MICU2: variants seen among roughly 807,000 people sequenced by gnomAD.
MICU2 encodes the protein mitochondrial calcium uptake 2, also known as calcium uptake protein 2, mitochondrial.
MICU2 carries 64 observed loss-of-function variants against 60.4 expected under a neutral mutation model. The observed-to-expected ratio is 1.06, with a 90% CI of 0.87 to 1.31. The LOEUF (loss-of-function observed/expected upper bound fraction) is 1.31. Among genes scored for constraint, MICU2 ranks in the 50% most tolerant of loss-of-function variants. MICU2 has a pLI of 0.00. For missense variants in MICU2, 569 were observed against 531.0 expected, an observed-to-expected ratio of 1.07 and a Z score of -0.70; for synonymous variants, 201 against 175.0, an observed-to-expected ratio of 1.15 and a Z score of -1.17.
chr13:21,502,790 A>C, intron 9 of MICU2, 136 bp downstream of exon 9: 5 of 761,646 alleles, frequency 6.6e-6, no homozygotes, highest in East Asian at 2.7e-5. Context: ...AAGAGCATGT[A>C]GAGAACATTC....
At chr13:21,602,470 C>A (rs900764130) in intron 1 of MICU2, among the ~76,000 whole-genome samples, 1 of 151,904 alleles carries the variant, frequency 6.6e-6, no homozygotes, top group African/African-American at 2.4e-5. Flanking sequence ...TGCAGTAAGC[C>A]GAGATAGCGC....
chr13:21,518,903 G>C (rs993185130), intron 6 of MICU2, among the ~76,000 whole-genome samples: 6 of 152,016 alleles, frequency 3.9e-5, no homozygotes, highest in Admixed American at 1.3e-4. Flanking sequence ...TACCAGTTTT[G>C]AAGTTCTATT....
intron 4 of MICU2, among the ~76,000 whole-genome samples, chr13:21,537,572 C>T (rs932166300): frequency 2.0e-5 from 3 of 151,438 alleles, no homozygotes; most frequent in Non-Finnish European, 4.4e-5. Flanking sequence ...CAGGTTCAAG[C>T]GATTCTACTG....
At chr13:21,556,980 A>G (rs752959792) in intron 2 of MICU2, among the ~76,000 whole-genome samples, 1 of 152,212 alleles carries the variant, frequency 6.6e-6, no homozygotes, top group Non-Finnish European at 1.5e-5. Context: ...GCTAAGTCCG[A>G]CAAGAACAAC....
intron 4 of MICU2, among the ~76,000 whole-genome samples, chr13:21,534,993 C>G (rs556783713): frequency 2.6e-5 from 4 of 152,272 alleles, no homozygotes; most frequent in African/African-American, 9.6e-5. Flanking sequence ...TACCAGGAGT[C>G]TGGACTGTGA....
intron 2 of MICU2, among the ~76,000 whole-genome samples, chr13:21,550,668 A>C (rs905870853): frequency 1.3e-5 from 2 of 152,234 alleles, no homozygotes; most frequent in Admixed American, 6.5e-5. Flanking sequence ...CCCATAGTTG[A>C]AGAATTCAAT....
Position 21,550,515 on chromosome 13 carries a change from A to C in MICU2, c.359-10827T>G, listed in dbSNP as rs139151351. Among the ~76,000 whole-genome samples the C allele has an allele frequency of 2.0e-4, 30 of 152,334 alleles. 1 individual carries two copies. The East Asian group carries it at 5.8e-3, about 29-fold the overall frequency. Reference sequence around the variant, plus strand: ...ATCGCACCACTGCACCCCAGCTTGGACCACAGAGTAAGACGCTATCTCTTA... The same window carrying C: ...ATCGCACCACTGCACCCCAGCTTGGCCCACAGAGTAAGACGCTATCTCTTA... On this transcript the variant is annotated intron_variant, in intron 2 of 11. Coordinates refer to ENST00000382374, the MANE Select transcript of MICU2 (RefSeq NM_152726.3).
chr13:21,513,143 T>G (rs74921264), intron 7 of MICU2, among the ~76,000 whole-genome samples: 1 of 152,184 alleles, frequency 6.6e-6, no homozygotes, highest in East Asian at 1.9e-4. Flanking sequence ...ATTTTTTTTT[T>G]GCAGATTTCC....
intron 1 of MICU2, 193 bp downstream of exon 1, chr13:21,603,746 G>T: frequency 1.6e-6 from 1 of 609,262 alleles, no homozygotes; most frequent in Admixed American, 3.4e-5. Flanking sequence ...CAGCCTCGAA[G>T]GCCCTCGGGG....
chr13:21,580,638 G>A (rs73445718), intron 1 of MICU2, among the ~76,000 whole-genome samples: 3,422 of 116,608 alleles, frequency 0.029, 134 homozygotes, highest in African/African-American at 0.086. Flanking sequence ...AATGAATTTT[G>A]TCACTTTTAG....
intron 2 of MICU2, among the ~76,000 whole-genome samples, chr13:21,544,034 T>C (rs1318734617): frequency 6.6e-6 from 1 of 152,104 alleles, no homozygotes; most frequent in African/African-American, 2.4e-5. Flanking sequence ...TGATTTTAGT[T>C]AGAAGTACCA....
At chr13:21,498,364 CTATTCTTTTTTT>C (rs748550803) in intron 9 of MICU2, among the ~76,000 whole-genome samples, 1 of 134,538 alleles carries the variant, frequency 7.4e-6, no homozygotes, top group African/African-American at 2.7e-5. Flanking sequence ...CAGAAATATC[CTATTCTTTTTTT>C]TTTTTTTTTT....
intron 2 of MICU2, among the ~76,000 whole-genome samples, chr13:21,564,861 C>T (rs117530751): frequency 6.6e-6 from 1 of 152,284 alleles, no homozygotes; most frequent in East Asian, 1.9e-4. Context: ...TGGGCTTCTC[C>T]GTGGCTGGCT....
At position 21,600,309 on chromosome 13, in the gene MICU2, C is replaced by T. The variant is rs2138080174; in HGVS notation, c.210+3630G>A. On this transcript the variant is annotated intron_variant, in intron 1 of 11. Coordinates refer to ENST00000382374, the MANE Select transcript of MICU2 (RefSeq NM_152726.3). ...CTTCCAGATCTCTGTAAAGCTATCT[C>T]CTTTGCCTAGAAAACTCTTCCCCTT... 3.3e-5 allele frequency among the ~76,000 whole-genome samples: 5 copies of T among 152,310 alleles called. No individual in the cohort carries two copies. In the South Asian group the frequency reaches 1.0e-3, roughly 32 times the overall value.
intron 4 of MICU2, among the ~76,000 whole-genome samples, chr13:21,531,848 A>T (rs912143603): frequency 6.6e-6 from 1 of 152,222 alleles, no homozygotes; most frequent in Middle Eastern, 3.2e-3. Flanking sequence ...AAACAAACGA[A>T]CAAAAAAAGA....
intron 6 of MICU2, among the ~76,000 whole-genome samples, chr13:21,515,215 G>A (rs1886540564): frequency 6.6e-6 from 1 of 151,794 alleles, no homozygotes; most frequent in African/African-American, 2.4e-5. Context: ...CCGAGTAGCT[G>A]GGACTACAGG....
rs146232239 is a variant in MICU2, at chr13:21,550,361, A to G, written c.359-10673T>C. ...AGACCAGCCTGGGCAACCAAGCAAAACCTCTCTCTCTACAAAAAATTAAAA... is the reference window on the plus strand; with the variant it reads ...AGACCAGCCTGGGCAACCAAGCAAAGCCTCTCTCTCTACAAAAAATTAAAA... On this transcript the variant is annotated intron_variant, in intron 2 of 11. Coordinates refer to ENST00000382374, the MANE Select transcript of MICU2 (RefSeq NM_152726.3). 2.3e-3 allele frequency among the ~76,000 whole-genome samples: 344 copies of G among 152,230 alleles called. 1 individual carries two copies. The highest frequency in any genetic ancestry group is 6.3e-3 in the Admixed American group (97 of 15,294).
intron 2 of MICU2, among the ~76,000 whole-genome samples, chr13:21,563,143 TTC>T (rs1348349797): frequency 4.6e-5 from 7 of 152,186 alleles, no homozygotes; most frequent in African/African-American, 1.2e-4. Context: ...CAAGATTTTT[TTC>T]TCTTTCTTCT....
chr13:21,566,077 C>T (rs114019757), intron 2 of MICU2, among the ~76,000 whole-genome samples: 2,018 of 152,260 alleles, frequency 0.013, 55 homozygotes, highest in African/African-American at 0.046. Context: ...TCACTCATTT[C>T]GTTTTTGTTC....
Sources: allele counts gnomAD v4.1 joint callset (sites outside exome capture counted in the v4.1 genomes callset), GRCh38; gene constraint gnomAD v4.1.1; transcripts MANE v1.5; gene names NCBI Gene and HGNC (gene_info 2026-07-23, HGNC 2026-07-21).